Variants in RAPGEF1 observed in about 807,000 individuals in gnomAD.
RAPGEF1 encodes CRK SH3-binding GNRP.
A neutral mutation model predicts 143.3 loss-of-function variants in RAPGEF1; 33 were observed. The observed-to-expected ratio is 0.23, with a 90% confidence interval of 0.17 to 0.31. The LOEUF (loss-of-function observed/expected upper bound fraction) is 0.31, where lower values mean the gene tolerates loss of function less well. Among genes scored for constraint, RAPGEF1 ranks in the 10% least tolerant of loss-of-function variants. RAPGEF1 has a pLI of 1.00. For synonymous variants in RAPGEF1, 629 were observed against 676.5 expected (o/e 0.93, Z 1.09); for missense variants, 1,199 against 1,645.4 (o/e 0.73, Z 4.69).
chr9:131,639,437 AGT>A (rs3837234), intron 4 of RAPGEF1, among the ~76,000 whole-genome samples: 2,005 of 149,152 alleles, frequency 0.013, 31 homozygotes, highest in Middle Eastern at 0.038. Flanking sequence ...AACGCAGGTG[AGT>A]GTGTGTGTGT....
At chr9:131,696,337 C>T (rs1411348396) in intron 1 of RAPGEF1, among the ~76,000 whole-genome samples, 3 of 152,046 alleles carry the variant, frequency 2.0e-5, no homozygotes, top group Non-Finnish European at 4.4e-5. Flanking sequence ...TTTTAAGGGC[C>T]CAGAGCTAAC....
intron 1 of RAPGEF1, among the ~76,000 whole-genome samples, chr9:131,738,497 C>T (rs893692547): frequency 1.3e-5 from 2 of 152,120 alleles, no homozygotes; most frequent in African/African-American, 4.8e-5. Context: ...GGCACCTGAA[C>T]CCAAGCGCCC....
chr9:131,666,552 A>G (rs1410174736), intron 1 of RAPGEF1, among the ~76,000 whole-genome samples: 3 of 151,904 alleles, frequency 2.0e-5, no homozygotes, highest in Admixed American at 6.6e-5. Flanking sequence ...ACGCCTGGCT[A>G]ATTTTTGAAT....
intron 12 of RAPGEF1, among the ~76,000 whole-genome samples, chr9:131,614,624 T>C (rs1958614671): frequency 6.6e-6 from 1 of 152,200 alleles, no homozygotes; most frequent in African/African-American, 2.4e-5. Flanking sequence ...GGCCTGGCAT[T>C]TCCCAGCGAG....
chr9:131,696,262 C>T (rs1834166655), intron 1 of RAPGEF1, among the ~76,000 whole-genome samples: 1 of 152,160 alleles, frequency 6.6e-6, no homozygotes, highest in African/African-American at 2.4e-5. Flanking sequence ...TACCAGGAGG[C>T]GGGGATCCCC....
intron 1 of RAPGEF1, among the ~76,000 whole-genome samples, chr9:131,652,301 A>G (rs1415740020): frequency 6.6e-6 from 1 of 152,076 alleles, no homozygotes; most frequent in African/African-American, 2.4e-5. Flanking sequence ...CTAAGACTAG[A>G]GTGCAGTGGT....
chr9:131,606,932 A>C (rs1344200550), intron 12 of RAPGEF1, among the ~76,000 whole-genome samples: 1 of 152,144 alleles, frequency 6.6e-6, no homozygotes, highest in East Asian at 1.9e-4. Context: ...GCCCTTAAGC[A>C]GTCTGGCAAA....
At chr9:131,660,365 C>A (rs1356809739) in intron 1 of RAPGEF1, among the ~76,000 whole-genome samples, 1 of 152,018 alleles carries the variant, frequency 6.6e-6, no homozygotes, top group African/African-American at 2.4e-5. Context: ...TATAAAAATC[C>A]AAGCACTGTA....
intron 3 of RAPGEF1, among the ~76,000 whole-genome samples, chr9:131,645,190 G>A (rs914407328): frequency 1.3e-5 from 2 of 152,224 alleles, no homozygotes; most frequent in Non-Finnish European, 2.9e-5. Context: ...GGAGGAACCT[G>A]AGTGTGAAGG....
intron 1 of RAPGEF1, among the ~76,000 whole-genome samples, chr9:131,711,767 G>A (rs750579972): frequency 6.6e-6 from 1 of 152,186 alleles, no homozygotes; most frequent in Non-Finnish European, 1.5e-5. Context: ...TTACAGAGTT[G>A]GATGGTACAA....
At chr9:131,702,563 A>G (rs78770130) in intron 1 of RAPGEF1, among the ~76,000 whole-genome samples, 2,540 of 152,324 alleles carry the variant, frequency 0.017, 61 homozygotes, top group African/African-American at 0.044. Flanking sequence ...ATTTCAAAAT[A>G]ATATTCAGTG....
intron 15 of RAPGEF1, 170 bp from the exon 16 acceptor site, chr9:131,598,480 T>C: frequency 1.4e-6 from 1 of 702,906 alleles, no homozygotes; most frequent in Non-Finnish European, 2.6e-6. Flanking sequence ...ACTGACTGGC[T>C]GTGTGGCCAT....
chr9:131,625,162 G>C (rs996013558), intron 10 of RAPGEF1, among the ~76,000 whole-genome samples: 1 of 152,232 alleles, frequency 6.6e-6, no homozygotes, highest in Non-Finnish European at 1.5e-5. Flanking sequence ...CACACACATT[G>C]AAACGGTGAC....
At chr9:131,738,002 A>G (rs1487462803) in intron 1 of RAPGEF1, among the ~76,000 whole-genome samples, 3 of 151,866 alleles carry the variant, frequency 2.0e-5, no homozygotes, top group Non-Finnish European at 1.5e-5. Flanking sequence ...TAAAGTAGCA[A>G]TGAGGTCTCG....
In RAPGEF1 at chr9:131,619,134, C is replaced by T. The variant is rs772979705; in HGVS notation, c.1978G>A (p.Glu660Lys). Residue 660 changes from glutamate (E) to lysine (K), a missense_variant, in exon 12 of 27, where the codon GAG (glutamate) becomes AAG (lysine). By Grantham distance (56) the Glu-to-Lys change is moderately conservative. Around this residue, in one of 6 missense-constraint regions of RAPGEF1, gnomAD observed 293 missense variants for 356.2 expected, o/e 0.82. Coordinates refer to ENST00000683357, the MANE Select transcript of RAPGEF1 (RefSeq NM_001377935.1). ...VQQTKVAFTP[E>K]DGSAAQGLSV... is the part of the protein sequence containing the mutation. ...AGGCCCTGAGCGGCACTGCCGTCCTCGGGGGTGAAGGCCACTTTAGTTTGC... is the reference window on the plus strand; with the variant it reads ...AGGCCCTGAGCGGCACTGCCGTCCTTGGGGGTGAAGGCCACTTTAGTTTGC... 33 of 1,330,832 alleles carry T rather than the reference C, an allele frequency of 2.5e-5. No homozygotes were observed. In the African/African-American group the frequency reaches 3.6e-4, roughly 14 times the overall value. 82.4% of individuals were successfully genotyped at this position (1,330,832 alleles called of 1,614,324 possible). A position where few individuals can be genotyped will look rare whatever the true frequency, so the allele number is the denominator to read the frequency against.
intron 1 of RAPGEF1, among the ~76,000 whole-genome samples, chr9:131,712,553 C>A (rs760284451): frequency 6.6e-6 from 1 of 152,204 alleles, no homozygotes; most frequent in Non-Finnish European, 1.5e-5. Flanking sequence ...TGCGAAGCCC[C>A]TGAAGTCAGG....
At chr9:131,600,418 A>C (rs1377527561) in intron 15 of RAPGEF1, among the ~76,000 whole-genome samples, 1 of 152,142 alleles carries the variant, frequency 6.6e-6, no homozygotes, top group Non-Finnish European at 1.5e-5. Context: ...TAGAAACCAC[A>C]CCATTCCTGG....
In RAPGEF1 at chr9:131,630,161, G is replaced by A. The variant is rs117954256; in HGVS notation, c.740+75C>T. The A allele has an allele frequency of 4.6e-4, 466 of 1,007,546 alleles. 4 individuals carry two copies. The East Asian group carries it at 0.011, about 24-fold the overall frequency. The allele number at this position is 1,007,546 out of a possible 1,614,324, so 62.4% of individuals were successfully genotyped here. A position where few individuals can be genotyped will look rare whatever the true frequency, so the allele number is the denominator to read the frequency against. ...CCACCCTCATGCTGCCCACCCCACC[G>A]GGCCCTATCCTTGTCAAGTGCAGAC... On this transcript the variant is annotated intron_variant, in intron 6 of 26. Coordinates refer to ENST00000683357, the MANE Select transcript of RAPGEF1 (RefSeq NM_001377935.1).
chr9:131,638,880 T>A (rs1966915478), intron 4 of RAPGEF1, 89 bp from the exon 5 acceptor site: 1 of 1,347,286 alleles, frequency 7.4e-7, no homozygotes, highest in Non-Finnish European at 1.0e-6. Context: ...CAAGGGTGTG[T>A]TTCTCCAACT....
Sources: gnomAD v4.1 joint callset for allele counts (sites outside exome capture counted in the v4.1 genomes callset) on GRCh38, gnomAD v4.1.1 for gene constraint, gnomAD v4.1.1 regional missense constraint, MANE v1.5 for transcripts, NCBI Gene and HGNC (gene_info 2026-07-23, HGNC 2026-07-21) for gene names.